Variants in CFDP1 observed in about 807,000 individuals in gnomAD.
CFDP1 encodes the protein chromatin remodeling protein CFDP1, also known as heterochromatin-stabilizing protein CFDP1.
Under a neutral mutation model 40.1 loss-of-function variants are expected in CFDP1, and 31 were observed. That is an observed-to-expected ratio of 0.77 (90% CI 0.58 to 1.04). The LOEUF (loss-of-function observed/expected upper bound fraction) is 1.04. CFDP1 is among the 50% of genes least tolerant of loss of function. The pLI, the probability that CFDP1 is intolerant of heterozygous loss-of-function variation, is 0.00. For synonymous variants in CFDP1, 167 were observed against 120.0 expected (o/e 1.39, Z -2.56); for missense variants, 423 against 343.4 (o/e 1.23, Z -1.83).
At chr16:75,302,275 T>C (rs11149815) in intron 6 of CFDP1, among the ~76,000 whole-genome samples, 2,357 of 151,948 alleles carry the variant, frequency 0.016, 18 homozygotes, top group Non-Finnish European at 0.025. Context: ...AATTTTTATT[T>C]TTTGGGCCAG....
chr16:75,335,099 TAC>T (rs2078477152), intron 5 of CFDP1, among the ~76,000 whole-genome samples: 1 of 152,222 alleles, frequency 6.6e-6, no homozygotes, highest in South Asian at 2.1e-4. Flanking sequence ...TCATGTGGGT[TAC>T]AGTCCACGGA....
intron 5 of CFDP1, among the ~76,000 whole-genome samples, chr16:75,308,034 T>C (rs2078270296): frequency 6.6e-6 from 1 of 152,210 alleles, no homozygotes; most frequent in East Asian, 1.9e-4. Flanking sequence ...TCTGGGCAAG[T>C]GCAGACTCAC....
chr16:75,294,632 T>A (rs965715435), intron 6 of CFDP1, among the ~76,000 whole-genome samples: 1 of 152,218 alleles, frequency 6.6e-6, no homozygotes, highest in Non-Finnish European at 1.5e-5. Flanking sequence ...TTTAACTGCT[T>A]TGAGCTCTTT....
At chr16:75,412,242 C>T (rs2079169515) in intron 3 of CFDP1, among the ~76,000 whole-genome samples, 2 of 152,206 alleles carry the variant, frequency 1.3e-5, no homozygotes. Context: ...TGGTCTCGAA[C>T]TCCTGACCTC....
intron 5 of CFDP1, among the ~76,000 whole-genome samples, chr16:75,380,478 G>C (rs2865530): frequency 6.6e-6 from 1 of 151,452 alleles, no homozygotes; most frequent in Admixed American, 6.6e-5. Context: ...AAATGGTCTT[G>C]AGCTTACAGG....
At position 75,410,068 on chromosome 16, in the gene CFDP1, A is replaced by C. The variant is rs1197142375; in HGVS notation, c.530+1757T>G. On this transcript the variant is annotated intron_variant, in intron 4 of 6. Coordinates refer to ENST00000283882, the MANE Select transcript of CFDP1 (RefSeq NM_006324.3). Reference sequence around the variant, plus strand: ...AAGACCCTTTCTCAAAAAAAAAAAAAAAAAAAAAAAAAAAAAAACCCAAAA... The same window carrying C: ...AAGACCCTTTCTCAAAAAAAAAAAACAAAAAAAAAAAAAAAAAACCCAAAA... Among the ~76,000 whole-genome samples the C allele has an allele frequency of 2.7e-5, 4 of 148,354 alleles. No individual in the cohort carries two copies. In the East Asian group the frequency reaches 5.8e-4, roughly 22 times the overall value.
chr16:75,412,486 T>A, intron 3 of CFDP1, 49 bp downstream of exon 3: 1 of 1,374,714 alleles, frequency 7.3e-7, no homozygotes, highest in Non-Finnish European at 1.0e-6. Context: ...ATCTCAGTAA[T>A]GTAGGGTATT....
rs3928417 is a variant in CFDP1 at position 75,353,727 on chromosome 16, C to T, written c.650+41363G>A. ...TCGTGCCACTGCACTCCAGCCTGGGCGACACAGCAAAAGTCCGTCTCAAAA... is the reference window on the plus strand; with the variant it reads ...TCGTGCCACTGCACTCCAGCCTGGGTGACACAGCAAAAGTCCGTCTCAAAA... On this transcript the variant is annotated intron_variant, in intron 5 of 6. Transcript: ENST00000283882. Among the ~76,000 whole-genome samples, 57 of 111,308 alleles carry T rather than the reference C, an allele frequency of 5.1e-4. No homozygotes were observed. The South Asian group carries it at 6.0e-3, about 12-fold the overall frequency. The allele number at this position is 111,308 out of a possible 152,430, so 73.0% of individuals were successfully genotyped here.
intron 5 of CFDP1, among the ~76,000 whole-genome samples, chr16:75,382,717 G>A (rs2078862105): frequency 6.6e-6 from 1 of 152,172 alleles, no homozygotes; most frequent in Non-Finnish European, 1.5e-5. Context: ...AGCAAGTAAC[G>A]CTATACAAGA....
At chr16:75,422,105 CTT>C (rs979971925) in intron 1 of CFDP1, among the ~76,000 whole-genome samples, 3 of 151,902 alleles carry the variant, frequency 2.0e-5, no homozygotes, top group East Asian at 3.9e-4. Context: ...CTCTCTCTCT[CTT>C]TTTTTTGAGA....
intron 5 of CFDP1, among the ~76,000 whole-genome samples, chr16:75,371,856 T>C (rs2078754054): frequency 6.6e-6 from 1 of 152,220 alleles, no homozygotes; most frequent in Non-Finnish European, 1.5e-5. Context: ...TACTGTTTCC[T>C]TGATGATTTT....
chr16:75,356,458 A>C (rs1019503143), intron 5 of CFDP1, among the ~76,000 whole-genome samples: 2 of 152,216 alleles, frequency 1.3e-5, no homozygotes, highest in Non-Finnish European at 2.9e-5. Context: ...TGGGGTTAAA[A>C]TATTCAGGAA....
chr16:75,305,291 T>G, intron 5 of CFDP1, 109 bp from the exon 6 acceptor site: 1 of 1,072,592 alleles, frequency 9.3e-7, no homozygotes, highest in Admixed American at 2.4e-5. Flanking sequence ...TTTATCTTAG[T>G]GGAAGCCATG....
intron 6 of CFDP1, among the ~76,000 whole-genome samples, chr16:75,301,041 C>T (rs571986363): frequency 4.6e-5 from 7 of 152,192 alleles, no homozygotes; most frequent in African/African-American, 1.7e-4. Context: ...AGGAATAAAG[C>T]ATCTAGCTTT....
At position 75,394,976 on chromosome 16, in the gene CFDP1, C is replaced by T. The variant is rs2285226; in HGVS notation, c.650+114G>A. ...AAATATTGCAGCAAAGGCAAAGCAGCATCATAATTCTCTCTCTCAGGCAAG... is the reference window on the plus strand; with the variant it reads ...AAATATTGCAGCAAAGGCAAAGCAGTATCATAATTCTCTCTCTCAGGCAAG... On this transcript the variant is annotated intron_variant, in intron 5 of 6. Coordinates refer to ENST00000283882, the MANE Select transcript of CFDP1 (RefSeq NM_006324.3). The T allele has an allele frequency of 1.1e-4, 145 of 1,271,752 alleles. 1 individual carries two copies. The East Asian group carries it at 3.5e-3, about 31-fold the overall frequency. 78.8% of individuals were successfully genotyped at this position (1,271,752 alleles called of 1,614,324 possible).
chr16:75,356,181 C>T (rs572116009), intron 5 of CFDP1, among the ~76,000 whole-genome samples: 3 of 152,316 alleles, frequency 2.0e-5, no homozygotes, highest in East Asian at 3.9e-4. Flanking sequence ...AAATCACTAT[C>T]TACGGCAGCT....
At chr16:75,384,309 C>T (rs987627493) in intron 5 of CFDP1, among the ~76,000 whole-genome samples, 2 of 151,760 alleles carry the variant, frequency 1.3e-5, no homozygotes, top group Non-Finnish European at 2.9e-5. Flanking sequence ...GTGAGCCGAG[C>T]GAGATAGCAC....
At chr16:75,316,196 A>G (rs2078322236) in intron 5 of CFDP1, among the ~76,000 whole-genome samples, 1 of 152,232 alleles carries the variant, frequency 6.6e-6, no homozygotes, top group Non-Finnish European at 1.5e-5. Context: ...GGCGATGCCA[A>G]GCGTGATCCC....
At chr16:75,347,574 G>C (rs1438459241) in intron 5 of CFDP1, among the ~76,000 whole-genome samples, 1 of 151,904 alleles carries the variant, frequency 6.6e-6, no homozygotes, top group African/African-American at 2.4e-5. Context: ...AGCTACTCGG[G>C]AGGCTGAGGC....
Sources: gnomAD v4.1 joint callset for allele counts (sites outside exome capture counted in the v4.1 genomes callset) on GRCh38, gnomAD v4.1.1 for gene constraint, MANE v1.5 for transcripts, NCBI Gene and HGNC (gene_info 2026-07-23, HGNC 2026-07-21) for gene names.